The following P2RY12 variants were observed in gnomAD, a reference collection of about 807,000 sequenced individuals.
The protein encoded by P2RY12 is purinergic receptor P2Y12.
A neutral mutation model predicts 4.5 loss-of-function variants in P2RY12; 3 were observed. The observed-to-expected ratio is 0.67, with a 90% CI of 0.31 to 1.74. The LOEUF is 1.74. Among genes scored for constraint, P2RY12 ranks in the 40% most tolerant of loss-of-function variants. The probability of loss-of-function intolerance (pLI) is 0.09; values close to 1 mark genes in which losing one functional copy is unlikely to be tolerated. For synonymous variants in P2RY12, 148 were observed against 154.1 expected (o/e 0.96, Z 0.29); for missense variants, 356 against 407.8 (o/e 0.87, Z 1.09).
intron 2 of P2RY12, 92 bp from the exon 3 acceptor site, chr3:151,338,951 T>C: frequency 4.5e-6 from 5 of 1,118,706 alleles, no homozygotes; most frequent in Non-Finnish European, 6.6e-6. Context: ...CACAGCCTCC[T>C]CTAAAAGTTG....
chr3:151,356,145 A>T, intron 1 of P2RY12: 17 of 1,232,476 alleles, frequency 1.4e-5, no homozygotes, highest in Non-Finnish European at 1.9e-5. Context: ...TGTGCTTGTA[A>T]TCCTGGCACT....
intron 1 of P2RY12, among the ~76,000 whole-genome samples, chr3:151,356,922 A>T (rs1247330227): frequency 2.0e-5 from 3 of 152,086 alleles, no homozygotes; most frequent in South Asian, 4.1e-4. Flanking sequence ...GACAAAGGGG[A>T]GAAAAGTGAG....
chr3:151,372,464 G>C (rs1756310386), intron 1 of P2RY12: 2 of 799,246 alleles, frequency 2.5e-6, no homozygotes, highest in Non-Finnish European at 4.2e-6. Flanking sequence ...TAATAATACT[G>C]TTCATATATT....
At chr3:151,367,900 T>C (rs9289835) in intron 1 of P2RY12, 12,592 of 1,063,986 alleles carry the variant, frequency 0.012, 124 homozygotes, top group Non-Finnish European at 0.016. Context: ...AAGGTAGATA[T>C]GGTAGAATTT....
chr3:151,382,674 G>A (rs1005458289), intron 1 of P2RY12: 1 of 1,610,342 alleles, frequency 6.2e-7, no homozygotes, highest in Non-Finnish European at 8.5e-7. Context: ...TAACTGGAGA[G>A]AAGAACGATA....
At chr3:151,377,900 A>G (rs1711523748) in intron 1 of P2RY12, 3 of 1,048,858 alleles carry the variant, frequency 2.9e-6, no homozygotes, top group Non-Finnish European at 4.0e-6. Context: ...GGGAAATTTT[A>G]GAACAGTCTG....
chr3:151,340,403 A>G (rs1751662541), intron 2 of P2RY12, among the ~76,000 whole-genome samples, 193 bp downstream of exon 2: 1 of 152,204 alleles, frequency 6.6e-6, no homozygotes, highest in South Asian at 2.1e-4. Context: ...TTTTCTTAAT[A>G]AAGAGGCTAA....
intron 1 of P2RY12, chr3:151,360,351 G>C: frequency 1.2e-6 from 1 of 832,778 alleles, no homozygotes; most frequent in South Asian, 1.9e-5. Context: ...CTATTTATTA[G>C]TTTCAACAAT....
At chr3:151,373,670 A>G (rs1386486868) in intron 1 of P2RY12, among the ~76,000 whole-genome samples, 1 of 152,052 alleles carries the variant, frequency 6.6e-6, no homozygotes, top group African/African-American at 2.4e-5. Context: ...CATATGGGTT[A>G]TAATATACTG....
intron 1 of P2RY12, chr3:151,375,993 T>C (rs1310437136): frequency 8.7e-7 from 1 of 1,143,778 alleles, no homozygotes. Context: ...CGAAAGCCAG[T>C]GCCTGTCAAT....
chr3:151,349,904 G>T (rs914910896), intron 1 of P2RY12, among the ~76,000 whole-genome samples: 2 of 151,040 alleles, frequency 1.3e-5, no homozygotes, highest in African/African-American at 2.4e-5. Flanking sequence ...AAAAACAAGG[G>T]TGTTGCCAGT....
At chr3:151,374,875 A>G (rs371505072) in intron 1 of P2RY12, among the ~76,000 whole-genome samples, 72 of 152,274 alleles carry the variant, frequency 4.7e-4, no homozygotes, top group African/African-American at 1.7e-3. Flanking sequence ...CAGATGATCC[A>G]GTTTTATTAT....
intron 1 of P2RY12, chr3:151,350,224 A>G (rs368042086): frequency 5.0e-6 from 8 of 1,609,788 alleles, no homozygotes; most frequent in Non-Finnish European, 6.8e-6. Context: ...ACCTTAATGC[A>G]TTTGCTCCCA....
At position 151,358,131 on chromosome 3, in the gene P2RY12, T is replaced by C. The variant is rs528198782; in HGVS notation, c.-179-17371A>G. 9.2e-5 allele frequency among the ~76,000 whole-genome samples: 14 copies of C among 152,318 alleles called. No homozygotes were observed. The South Asian group carries it at 2.3e-3, about 25-fold the overall frequency. On this transcript the variant is annotated intron_variant, in intron 1 of 2. Coordinates refer to ENST00000302632, the MANE Select transcript of P2RY12 (RefSeq NM_022788.5). ...CCTTTTATTTTTTTAATCTAGCACA[T>C]GTAATCAATTTATATGCTATCCTAG...
In P2RY12 at chr3:151,378,095, C is replaced by T. The variant is rs766533846; in HGVS notation, c.-180+6597G>A. On this transcript the variant is annotated intron_variant, in intron 1 of 2. Transcript: ENST00000302632. ...TCTGTGCAAGGAAGAGTGCTGAAAG[C>T]CGCTGGGGAAGAGCTGGAGAAGGGA... 6.8e-6 allele frequency: 11 copies of T among 1,611,516 alleles called. No homozygotes were observed. In the South Asian group the frequency reaches 1.1e-4, roughly 16 times the overall value.
intron 2 of P2RY12, 140 bp from the exon 3 acceptor site, chr3:151,338,999 C>A: frequency 1.4e-6 from 1 of 712,872 alleles, no homozygotes; most frequent in South Asian, 1.6e-5. Context: ...AGTATGAACA[C>A]AGAAAACTGA....
chr3:151,357,133 A>G, intron 1 of P2RY12: 1 of 1,227,952 alleles, frequency 8.1e-7, no homozygotes, highest in Non-Finnish European at 1.1e-6. Context: ...GACTCAGTAT[A>G]TCTATGGTTT....
At chr3:151,384,448 AAAG>A (rs1320790704) in intron 1 of P2RY12, among the ~76,000 whole-genome samples, 1 of 152,244 alleles carries the variant, frequency 6.6e-6, no homozygotes, top group Non-Finnish European at 1.5e-5. Flanking sequence ...TTAATTTTTT[AAAG>A]AACTTTAGAA....
At chr3:151,359,201 A>T (rs1754311936) in intron 1 of P2RY12, among the ~76,000 whole-genome samples, 1 of 152,120 alleles carries the variant, frequency 6.6e-6, no homozygotes, top group Admixed American at 6.6e-5. Flanking sequence ...TTTCTGCATT[A>T]GTTTGCTTAG....
Sources: gnomAD v4.1 joint callset for allele counts (sites outside exome capture counted in the v4.1 genomes callset) on GRCh38, gnomAD v4.1.1 for gene constraint, MANE v1.5 for transcripts, NCBI Gene and HGNC (gene_info 2026-07-23, HGNC 2026-07-21) for gene names.